PDZRN4: variants seen among roughly 807,000 people sequenced by gnomAD.
The protein encoded by PDZRN4 is PDZ domain containing ring finger 4, also known as PDZ domain-containing RING finger protein 4.
A neutral mutation model predicts 99.0 loss-of-function variants in PDZRN4; 70 were observed. The ratio of observed to expected loss-of-function variants is 0.71; its 90% confidence interval spans 0.58 to 0.86. PDZRN4 has a LOEUF of 0.86. Ranked by LOEUF, PDZRN4 falls within the 40% of genes least tolerant of loss-of-function variation. The pLI, the probability that PDZRN4 is intolerant of heterozygous loss-of-function variation, is 0.00. For synonymous variants in PDZRN4, 551 were observed against 501.6 expected (o/e 1.10, Z -1.32); for missense variants, 1,474 against 1,331.2 (o/e 1.11, Z -1.67).
chr12:41,441,349 A>T (rs1032603598), intron 3 of PDZRN4, among the ~76,000 whole-genome samples: 3 of 152,192 alleles, frequency 2.0e-5, no homozygotes, highest in African/African-American at 7.2e-5. Context: ...TTCTAAGTGG[A>T]TACTGTAGCA....
At chr12:41,557,679 C>T (rs1426954204) in intron 7 of PDZRN4, among the ~76,000 whole-genome samples, 2 of 150,802 alleles carry the variant, frequency 1.3e-5, no homozygotes, top group Admixed American at 6.6e-5. Flanking sequence ...TAGTGCAGAG[C>T]TCCTTTTTTT....
chr12:41,378,457 A>G (rs771769699), intron 3 of PDZRN4, among the ~76,000 whole-genome samples: 2 of 148,734 alleles, frequency 1.3e-5, no homozygotes, highest in Admixed American at 6.7e-5. Context: ...TCTTTATCCA[A>G]TTTTCATATC....
rs866276630 is a variant in PDZRN4 at position 41,203,513 on chromosome 12, A to G, written c.843+9325A>G. Reference sequence around the variant, plus strand: ...TGGTCGATTAACCTGAAAAAATTGTAGCTAATAATTATTGGTTATTATATG... The same window carrying G: ...TGGTCGATTAACCTGAAAAAATTGTGGCTAATAATTATTGGTTATTATATG... On this transcript the variant is annotated intron_variant, in intron 3 of 9. Transcript: ENST00000402685. Among the ~76,000 whole-genome samples the G allele has an allele frequency of 2.6e-5, 4 of 152,028 alleles. No individual in the cohort carries two copies. In the South Asian group the frequency reaches 6.2e-4, roughly 24 times the overall value.
chr12:41,283,542 G>C (rs1396642997), intron 3 of PDZRN4, among the ~76,000 whole-genome samples: 4 of 152,042 alleles, frequency 2.6e-5, no homozygotes, highest in Non-Finnish European at 5.9e-5. Context: ...ATCCCAACCT[G>C]GCAGAGACAC....
chr12:41,450,762 G>C (rs552573268), intron 3 of PDZRN4, among the ~76,000 whole-genome samples: 1 of 152,058 alleles, frequency 6.6e-6, no homozygotes, highest in African/African-American at 2.4e-5. Flanking sequence ...TCTACTAAAA[G>C]TAAAAAATAA....
chr12:41,480,416 AAG>A (rs1327568928), intron 3 of PDZRN4, among the ~76,000 whole-genome samples: 1 of 152,212 alleles, frequency 6.6e-6, no homozygotes, highest in Non-Finnish European at 1.5e-5. Flanking sequence ...TCAATGGAGT[AAG>A]AGATCTTTCT....
At chr12:41,467,331 T>C (rs1952937113) in intron 3 of PDZRN4, among the ~76,000 whole-genome samples, 1 of 152,226 alleles carries the variant, frequency 6.6e-6, no homozygotes, top group African/African-American at 2.4e-5. Flanking sequence ...AAAATATGTG[T>C]AATAATAGTA....
chr12:41,545,062 C>G (rs977615443), intron 5 of PDZRN4, among the ~76,000 whole-genome samples: 1 of 152,186 alleles, frequency 6.6e-6, no homozygotes, highest in Admixed American at 6.5e-5. Flanking sequence ...TCGCTTAATC[C>G]CTCCAACTCA....
intron 7 of PDZRN4, among the ~76,000 whole-genome samples, chr12:41,561,684 A>G (rs1381574575): frequency 6.6e-6 from 1 of 151,366 alleles, no homozygotes; most frequent in Non-Finnish European, 1.5e-5. Flanking sequence ...CAAACAGAAA[A>G]GATGAAGATA....
intron 3 of PDZRN4, among the ~76,000 whole-genome samples, chr12:41,355,085 T>C (rs914966637): frequency 2.0e-5 from 3 of 152,066 alleles, no homozygotes; most frequent in Non-Finnish European, 4.4e-5. Context: ...TCTTGCCCTC[T>C]GTTGTCCTCT....
intron 3 of PDZRN4, among the ~76,000 whole-genome samples, chr12:41,424,001 A>C (rs1182864358): frequency 6.6e-6 from 1 of 152,186 alleles, no homozygotes; most frequent in African/African-American, 2.4e-5. Flanking sequence ...TCCAAAGCTC[A>C]TATGGCTCCA....
At chr12:41,555,230 C>CAAAAAAAAAAAA (rs1171846086) in intron 6 of PDZRN4, among the ~76,000 whole-genome samples, 4 of 21,152 alleles carry the variant, frequency 1.9e-4, no homozygotes, top group South Asian at 2.3e-3. Context: ...GACTCTGTCT[C>CAAAAAAAAAAAA]AAAAAAAAAA....
intron 5 of PDZRN4, among the ~76,000 whole-genome samples, chr12:41,526,196 G>T (rs899645954): frequency 2.6e-5 from 4 of 152,144 alleles, no homozygotes; most frequent in African/African-American, 9.7e-5. Flanking sequence ...TAAATGTGGG[G>T]CTACTAAAAC....
chr12:41,417,305 C>G (rs1469432078), intron 3 of PDZRN4, among the ~76,000 whole-genome samples: 1 of 152,172 alleles, frequency 6.6e-6, no homozygotes, highest in Non-Finnish European at 1.5e-5. Context: ...ATAGGCAATG[C>G]CATCTTTGGC....
intron 3 of PDZRN4, among the ~76,000 whole-genome samples, chr12:41,349,021 T>G (rs1466181144): frequency 2.6e-5 from 4 of 152,042 alleles, no homozygotes. Context: ...ATTTATTTTT[T>G]GTTAAAATGT....
intron 3 of PDZRN4, among the ~76,000 whole-genome samples, chr12:41,268,137 G>T (rs967594558): frequency 1.3e-4 from 19 of 151,924 alleles, no homozygotes; most frequent in Non-Finnish European, 2.4e-4. Flanking sequence ...TTTTAACTTG[G>T]CTCCTATGTT....
intron 3 of PDZRN4, among the ~76,000 whole-genome samples, chr12:41,320,886 A>G (rs1951672395): frequency 6.6e-6 from 1 of 152,200 alleles, no homozygotes; most frequent in Non-Finnish European, 1.5e-5. Flanking sequence ...AACACCAGTT[A>G]TCTCTAGGTG....
At chr12:41,255,590 C>T (rs530199807) in intron 3 of PDZRN4, among the ~76,000 whole-genome samples, 1 of 152,152 alleles carries the variant, frequency 6.6e-6, no homozygotes, top group African/African-American at 2.4e-5. Flanking sequence ...TTTTAACTTC[C>T]TGAAGTGTAT....
At chr12:41,386,352 T>C (rs998965210) in intron 3 of PDZRN4, among the ~76,000 whole-genome samples, 6 of 152,040 alleles carry the variant, frequency 3.9e-5, no homozygotes, top group African/African-American at 4.8e-5. Flanking sequence ...TGCATTCAAA[T>C]ACGAAGAGAA....
Sources: gnomAD v4.1 joint callset for allele counts (sites outside exome capture counted in the v4.1 genomes callset) on GRCh38, gnomAD v4.1.1 for gene constraint, MANE v1.5 for transcripts, NCBI Gene and HGNC (gene_info 2026-07-23, HGNC 2026-07-21) for gene names.